Variants in RAB3GAP2 observed in about 807,000 individuals in gnomAD.
The protein encoded by RAB3GAP2 is RAB3 GTPase activating non-catalytic protein subunit 2, also known as rab3 GTPase-activating protein non-catalytic subunit.
RAB3GAP2 carries 87 observed loss-of-function variants against 185.3 expected under a neutral mutation model. That is an observed-to-expected ratio of 0.47 (90% confidence interval 0.39 to 0.56). RAB3GAP2 has a LOEUF of 0.56. Ranked by LOEUF, RAB3GAP2 falls within the 20% of genes least tolerant of loss-of-function variation. The pLI is 0.00. For synonymous variants in RAB3GAP2, 554 were observed against 576.1 expected (o/e 0.96, Z 0.55); for missense variants, 1,492 against 1,638.2 (o/e 0.91, Z 1.54).
intron 17 of RAB3GAP2, among the ~76,000 whole-genome samples, chr1:220,189,039 A>G (rs1658558133): frequency 6.6e-6 from 1 of 152,144 alleles, no homozygotes; most frequent in South Asian, 2.1e-4. Flanking sequence ...AAGTAAAGAA[A>G]AAGAAAGAAC....
At chr1:220,219,048 CCCAG>C (rs1659253670) in intron 2 of RAB3GAP2, among the ~76,000 whole-genome samples, 1 of 152,074 alleles carries the variant, frequency 6.6e-6, no homozygotes, top group South Asian at 2.1e-4. Context: ...ATATTTTGCC[CCCAG>C]CCAGAGTAAA....
intron 4 of RAB3GAP2, among the ~76,000 whole-genome samples, chr1:220,212,504 T>C (rs1296814821): frequency 1.3e-5 from 2 of 152,168 alleles, no homozygotes; most frequent in African/African-American, 4.8e-5. Context: ...AAAAAATTTT[T>C]TTTTTTAAGA....
chr1:220,246,888 T>C (rs1313818799), intron 1 of RAB3GAP2, among the ~76,000 whole-genome samples: 3 of 150,586 alleles, frequency 2.0e-5, no homozygotes, highest in African/African-American at 4.9e-5. Flanking sequence ...ACCTGCACGA[T>C]GTGCACATGT....
intron 29 of RAB3GAP2, 37 bp from the exon 30 acceptor site, chr1:220,157,913 G>C (rs78859378): frequency 2.0e-6 from 3 of 1,501,778 alleles, no homozygotes; most frequent in South Asian, 2.3e-5. Flanking sequence ...GGCCCTGCAG[G>C]AAAACTGCTA....
intron 1 of RAB3GAP2, among the ~76,000 whole-genome samples, chr1:220,246,645 T>A (rs2102517793): frequency 8.3e-6 from 1 of 120,260 alleles, no homozygotes; most frequent in Non-Finnish European, 1.7e-5. Flanking sequence ...TTGGAAATCA[T>A]CATTCTCAGT....
intron 1 of RAB3GAP2, chr1:220,266,797 C>T: frequency 6.3e-7 from 1 of 1,594,508 alleles, no homozygotes; most frequent in Non-Finnish European, 8.6e-7. Context: ...CTTCTCTGAG[C>T]ATTGGCCTCT....
chr1:220,157,742 G>C (rs754519067), intron 30 of RAB3GAP2, 60 bp downstream of exon 30: 2 of 1,399,386 alleles, frequency 1.4e-6, no homozygotes, highest in Non-Finnish European at 2.0e-6. Flanking sequence ...TAAATGCAAT[G>C]GTTTGCAGAA....
chr1:220,271,704 G>A (rs2102541829), intron 1 of RAB3GAP2, among the ~76,000 whole-genome samples: 1 of 152,208 alleles, frequency 6.6e-6, no homozygotes, highest in Middle Eastern at 3.4e-3. Context: ...AAGGGAGAGT[G>A]TGGGGGGATG....
chr1:220,157,519 C>T, intron 30 of RAB3GAP2, 31 bp from the exon 31 acceptor site: 2 of 1,597,876 alleles, frequency 1.3e-6, no homozygotes, highest in African/African-American at 1.3e-5. Flanking sequence ...GGACTGTGTT[C>T]AGTAATGGAA....
At chr1:220,159,318 G>T in intron 29 of RAB3GAP2, 68 bp downstream of exon 29, 2 of 1,302,104 alleles carry the variant, frequency 1.5e-6, no homozygotes, top group Non-Finnish European at 2.2e-6. Flanking sequence ...CACCTATACA[G>T]TTAATAAAGT....
rs1473302951 is a variant in RAB3GAP2 at position 220,157,814 on chromosome 1, C to T, written c.3324G>A (p.Gln1108=). The part of the protein sequence containing the change: ...SFLGSCLDLL[Q]ILMEADVSRD... ...ACACCTCTTTTACCTCCATTAAGAT[C>T]TGAAGAAGATCCAAACAGGAGCCGA... Residue 1108 remains glutamine (Q), a synonymous_variant, in exon 30 of 35, where the codon CAG becomes CAA. Transcript: ENST00000358951. 1 of 1,611,528 alleles carries T rather than the reference C, an allele frequency of 6.2e-7. No homozygotes were observed. The highest frequency in any genetic ancestry group is 8.5e-7 in the Non-Finnish European group (1 of 1,177,690).
intron 1 of RAB3GAP2, among the ~76,000 whole-genome samples, chr1:220,270,106 C>G (rs542706355): frequency 1.3e-5 from 2 of 152,200 alleles, no homozygotes; most frequent in African/African-American, 2.4e-5. Flanking sequence ...ATTTTTCTAT[C>G]CTTTTCTTAC....
intron 1 of RAB3GAP2, chr1:220,266,571 C>T: frequency 1.2e-6 from 1 of 812,308 alleles, no homozygotes; most frequent in Non-Finnish European, 2.1e-6. Context: ...GGCACACCTG[C>T]TCAGTAAAAC....
In RAB3GAP2 at chr1:220,243,048, A is replaced by AT. The variant is rs201071584; in HGVS notation, c.116-10186dup. ...ACATGCACCTTCAACATCAGCCTTT[A>AT]TTTTTTTAAAAAAAAGATATAACAG... On this transcript the variant is annotated intron_variant, in intron 1 of 34. Coordinates refer to ENST00000358951, the MANE Select transcript of RAB3GAP2 (RefSeq NM_012414.4). 3.6e-3 allele frequency among the ~76,000 whole-genome samples: 549 copies of AT among 152,168 alleles called. 4 individuals carry two copies. Among genetic ancestry groups the AT allele is most frequent in the African/African-American group, 0.013 (522 of 41,494 alleles).
intron 1 of RAB3GAP2, among the ~76,000 whole-genome samples, chr1:220,243,350 T>C (rs1295839950): frequency 9.7e-6 from 1 of 103,506 alleles, no homozygotes; most frequent in Non-Finnish European, 1.8e-5. Context: ...AGAGACTCCA[T>C]CTCAAAAAAA....
chr1:220,154,132 A>C (rs559696237), intron 31 of RAB3GAP2, 75 bp from the exon 32 acceptor site: 2 of 1,569,520 alleles, frequency 1.3e-6, no homozygotes, highest in South Asian at 2.3e-5. Flanking sequence ...TTTGTTTAAA[A>C]CTTAATAATA....
intron 2 of RAB3GAP2, among the ~76,000 whole-genome samples, chr1:220,226,894 TC>T (rs1659412839): frequency 6.6e-6 from 1 of 151,862 alleles, no homozygotes; most frequent in South Asian, 2.1e-4. Flanking sequence ...AGGACTGGTG[TC>T]CTCATAAGAG....
At chr1:220,153,679 G>A (rs555022251) in intron 32 of RAB3GAP2, 2 of 398,124 alleles carry the variant, frequency 5.0e-6, no homozygotes. Flanking sequence ...GTATACATGT[G>A]CCATGTTGGT....
chr1:220,210,676 C>G (rs1659065929), intron 6 of RAB3GAP2, 125 bp downstream of exon 6: 1 of 1,123,526 alleles, frequency 8.9e-7, no homozygotes, highest in Non-Finnish European at 1.3e-6. Context: ...CGGCCTCTAC[C>G]CCCATAAAGA....
Sources: allele counts gnomAD v4.1 joint callset (sites outside exome capture counted in the v4.1 genomes callset), GRCh38; gene constraint gnomAD v4.1.1; transcripts MANE v1.5; gene names NCBI Gene and HGNC (gene_info 2026-07-23, HGNC 2026-07-21).